The following TFPI variants were observed in gnomAD, a reference collection of about 807,000 sequenced individuals.
TFPI encodes anti-convertin.
Under a neutral mutation model 34.6 loss-of-function variants are expected in TFPI, and 15 were observed. That is an observed-to-expected ratio of 0.43 (90% CI 0.29 to 0.67). TFPI has a LOEUF of 0.67. Ranked by LOEUF, TFPI falls within the 30% of genes least tolerant of loss-of-function variation. The pLI, the probability that TFPI is intolerant of heterozygous loss-of-function variation, is 0.15. For missense variants in TFPI, 301 were observed against 364.0 expected (o/e 0.83, Z 1.41); for synonymous variants, 105 against 120.1 (o/e 0.87, Z 0.82).
At chr2:187,468,761 T>C (rs1038732018) in intron 6 of TFPI, among the ~76,000 whole-genome samples, 1 of 152,090 alleles carries the variant, frequency 6.6e-6, no homozygotes, top group South Asian at 2.1e-4. Flanking sequence ...CTCTGGGAAT[T>C]ACTGTCAGTG....
At chr2:187,472,657 T>C (rs746089810) in intron 6 of TFPI, among the ~76,000 whole-genome samples, 6 of 152,240 alleles carry the variant, frequency 3.9e-5, no homozygotes, top group African/African-American at 1.4e-4. Context: ...ATATCATTTA[T>C]ATGAAATCCA....
At chr2:187,490,031 T>C (rs1221458522) in intron 3 of TFPI, among the ~76,000 whole-genome samples, 2 of 151,596 alleles carry the variant, frequency 1.3e-5, no homozygotes, top group Non-Finnish European at 3.0e-5. Context: ...TTATATGAAT[T>C]TGTTTTAATA....
At chr2:187,499,572 C>T (rs1259803164) in intron 2 of TFPI, 1 of 151,918 alleles carries the variant, frequency 6.6e-6, no homozygotes, top group African/African-American at 2.4e-5. Flanking sequence ...TGTGAAGACC[C>T]TAAGTGGTGT....
chr2:187,528,968 T>G (rs1217750914), intron 1 of TFPI, among the ~76,000 whole-genome samples: 1 of 152,196 alleles, frequency 6.6e-6, no homozygotes, highest in Non-Finnish European at 1.5e-5. Flanking sequence ...CAGTAAAGAT[T>G]TGATACAGGC....
rs768562532 is a variant in TFPI, at chr2:187,484,818, T to C, written c.528A>G (p.Glu176=). The change falls in exon 5 of 8, where the codon GAA becomes GAG. Residue 176 remains glutamate (E), a synonymous_variant. Coordinates refer to ENST00000233156, the MANE Select transcript of TFPI (RefSeq NM_006287.6). ...AATAAGAAATAAACTTACGACCATC[T>C]TCACAAATGTTCTTGCATTCTTCCA... ...ETLEECKNIC[E]DGPNGFQVDN... The C allele has an allele frequency of 1.3e-6, 2 of 1,584,070 alleles. No homozygotes were observed. The highest frequency in any genetic ancestry group is 1.7e-6 in the Non-Finnish European group (2 of 1,170,158).
chr2:187,491,295 C>G (rs563144991), intron 3 of TFPI, among the ~76,000 whole-genome samples: 1 of 151,952 alleles, frequency 6.6e-6, no homozygotes, highest in South Asian at 2.1e-4. Flanking sequence ...AACCATAACC[C>G]AAATAGTGTC....
intron 1 of TFPI, among the ~76,000 whole-genome samples, chr2:187,524,689 G>A (rs2106227729): frequency 6.6e-6 from 1 of 152,102 alleles, no homozygotes; most frequent in African/African-American, 2.4e-5. Flanking sequence ...ATTGTGAAAT[G>A]GTGCCATAAA....
At chr2:187,505,876 A>G (rs1482906190) in intron 1 of TFPI, among the ~76,000 whole-genome samples, 1 of 152,136 alleles carries the variant, frequency 6.6e-6, no homozygotes, top group African/African-American at 2.4e-5. Flanking sequence ...TGTAACTCCC[A>G]GAAGGAGGAA....
At position 187,484,953 on chromosome 2, in the gene TFPI, A is replaced by G. The variant is rs549610575; in HGVS notation, c.393T>C (p.Pro131=). The G allele has an allele frequency of 1.7e-4, 253 of 1,517,466 alleles. 1 individual carries two copies. The highest frequency in any genetic ancestry group is 4.2e-5 in the Non-Finnish European group (48 of 1,135,442). The allele number at this position is 1,517,466 out of a possible 1,614,324, so 94.0% of individuals were successfully genotyped here. ...KPDFCFLEED[P]GICRGYITRY... Reference sequence around the variant, plus strand: ...TGGTAATATAACCTCGACATATTCCAGGATCTTCTTCCAAAAAGCAGAAAT... The same window carrying G: ...TGGTAATATAACCTCGACATATTCCGGGATCTTCTTCCAAAAAGCAGAAAT... The change falls in exon 5 of 8, where the codon CCT becomes CCC. Residue 131 remains proline (P), a synonymous_variant. Coordinates refer to ENST00000233156, the MANE Select transcript of TFPI (RefSeq NM_006287.6).
rs553827585 is a variant in TFPI, at chr2:187,471,004, A to G, written c.629-3072T>C. ...CACAACAGAGTTTTGACCCAGATCA[A>G]CAGTGAGGTTCCTAACACTAGAAAT... On this transcript the variant is annotated intron_variant, in intron 6 of 7. Coordinates refer to ENST00000233156, the MANE Select transcript of TFPI (RefSeq NM_006287.6). 2.0e-5 allele frequency among the ~76,000 whole-genome samples: 3 copies of G among 152,370 alleles called. No homozygotes were observed. The East Asian group carries it at 5.8e-4, about 29-fold the overall frequency.
Position 187,522,891 on chromosome 2 carries a change from AAAATAAATAAAT to A in TFPI, c.-2-19133_-2-19122del, listed in dbSNP as rs138871269. Among the ~76,000 whole-genome samples the A allele has an allele frequency of 7.4e-4, 105 of 142,582 alleles. 1 individual carries two copies. In the East Asian group the frequency reaches 7.5e-3, roughly 10 times the overall value. 93.5% of individuals were successfully genotyped at this position (142,582 alleles called of 152,430 possible). The stretch of plus-strand genomic sequence containing the variant: ...GGGTGACAGAGCGAGACTGTGTCTC[AAAATAAATAAAT>A]AAATAAATAAATAAATAAATAAATA... On this transcript the variant is annotated intron_variant, in intron 1 of 7. Coordinates refer to ENST00000233156, the MANE Select transcript of TFPI (RefSeq NM_006287.6).
chr2:187,539,282 C>T (rs911376589), intron 1 of TFPI, among the ~76,000 whole-genome samples: 2 of 152,090 alleles, frequency 1.3e-5, no homozygotes, highest in African/African-American at 2.4e-5. Flanking sequence ...CCCTTGTACA[C>T]TCTTTTTTTC....
intron 1 of TFPI, among the ~76,000 whole-genome samples, chr2:187,509,885 C>T (rs575736939): frequency 6.6e-6 from 1 of 152,290 alleles, no homozygotes; most frequent in East Asian, 1.9e-4. Flanking sequence ...TTGTTCCCTA[C>T]TCCCAAAGCC....
At chr2:187,531,245 T>C (rs1687940876) in intron 1 of TFPI, among the ~76,000 whole-genome samples, 1 of 152,200 alleles carries the variant, frequency 6.6e-6, no homozygotes, top group Non-Finnish European at 1.5e-5. Context: ...CTTAGTTGTT[T>C]ATATTTTAGT....
chr2:187,474,663 G>C (rs1408249389), intron 6 of TFPI, among the ~76,000 whole-genome samples: 1 of 152,082 alleles, frequency 6.6e-6, no homozygotes, highest in Non-Finnish European at 1.5e-5. Flanking sequence ...CTAAAATTAA[G>C]CACCAGATTG....
intron 4 of TFPI, among the ~76,000 whole-genome samples, chr2:187,487,769 A>G (rs1693388517): frequency 6.6e-6 from 1 of 151,556 alleles, no homozygotes; most frequent in African/African-American, 2.4e-5. Context: ...ACATACACAT[A>G]CATGCTAGAT....
rs931259695 is a variant in TFPI, at chr2:187,464,756, C to T, written c.*2180G>A. ...ACTCAATTTAAGGCAATTATTTATG[C>T]ACTGAATATTTGAATGAAGATGTAT... On this transcript the variant is annotated 3_prime_UTR_variant, in exon 8 of 8. Transcript: ENST00000233156. 2.0e-5 allele frequency: 3 copies of T among 152,126 alleles called. No homozygotes were observed. In the East Asian group the frequency reaches 5.8e-4, roughly 29 times the overall value. 9.4% of individuals were successfully genotyped at this position (152,126 alleles called of 1,614,324 possible). A position where few individuals can be genotyped will look rare whatever the true frequency, so the allele number is the denominator to read the frequency against.
intron 1 of TFPI, among the ~76,000 whole-genome samples, chr2:187,521,694 G>C (rs886292366): frequency 1.3e-5 from 2 of 151,892 alleles, no homozygotes; most frequent in Non-Finnish European, 2.9e-5. Flanking sequence ...TCAGCATCCC[G>C]AGTAGCTGGG....
At chr2:187,478,772 C>T (rs769447231) in intron 6 of TFPI, 53 of 1,613,416 alleles carry the variant, frequency 3.3e-5, no homozygotes, top group Non-Finnish European at 4.5e-5. Context: ...GAGCCGCATT[C>T]TTCCAACCAT....
Sources: allele counts gnomAD v4.1 joint callset (sites outside exome capture counted in the v4.1 genomes callset), GRCh38; gene constraint gnomAD v4.1.1; transcripts MANE v1.5; gene names NCBI Gene and HGNC (gene_info 2026-07-23, HGNC 2026-07-21).